Variants in LIMS1 observed in about 807,000 individuals in gnomAD.
The protein encoded by LIMS1 is LIM and senescent cell antigen-like-containing domain protein 1.
A neutral mutation model predicts 44.1 loss-of-function variants in LIMS1; 18 were observed. That is an observed-to-expected ratio of 0.41 (90% CI 0.28 to 0.61). The LOEUF (loss-of-function observed/expected upper bound fraction) is 0.61. Ranked by LOEUF, LIMS1 falls within the 20% of genes least tolerant of loss-of-function variation. The probability of loss-of-function intolerance (pLI) is 0.32; values close to 1 mark genes in which losing one functional copy is unlikely to be tolerated. For synonymous variants in LIMS1, 93 were observed against 149.1 expected (o/e 0.62, Z 2.74); for missense variants, 201 against 422.0 (o/e 0.48, Z 4.59).
At chr2:108,632,881 A>G (rs1457040317) in intron 1 of LIMS1, among the ~76,000 whole-genome samples, 2 of 152,214 alleles carry the variant, frequency 1.3e-5, no homozygotes, top group African/African-American at 4.8e-5. Flanking sequence ...GGCAATCTGT[A>G]CCTGCATAGC....
chr2:108,545,620 T>G (rs1367342465), intron 1 of LIMS1, among the ~76,000 whole-genome samples: 1 of 152,212 alleles, frequency 6.6e-6, no homozygotes, highest in Non-Finnish European at 1.5e-5. Flanking sequence ...TTGGGACCAC[T>G]TTACTCTCTT....
intron 2 of LIMS1, among the ~76,000 whole-genome samples, chr2:108,670,405 A>T (rs1692088568): frequency 6.6e-6 from 1 of 151,628 alleles, no homozygotes; most frequent in Non-Finnish European, 1.5e-5. Flanking sequence ...TATCGACCTG[A>T]AAAATGTGGG....
intron 1 of LIMS1, among the ~76,000 whole-genome samples, chr2:108,555,982 T>C (rs903194929): frequency 6.6e-6 from 1 of 152,196 alleles, no homozygotes; most frequent in African/African-American, 2.4e-5. Flanking sequence ...GTTTTTTTTT[T>C]CCTTTTTTGC....
At chr2:108,569,041 A>C (rs1239999271) in intron 1 of LIMS1, among the ~76,000 whole-genome samples, 1 of 152,010 alleles carries the variant, frequency 6.6e-6, no homozygotes, top group Admixed American at 6.6e-5. Context: ...ACAGGCACGC[A>C]CCACCATGCC....
chr2:108,672,196 T>A, intron 3 of LIMS1, 129 bp from the exon 4 acceptor site: 15 of 850,308 alleles, frequency 1.8e-5, no homozygotes, highest in Admixed American at 3.2e-5. Context: ...AAAGTTCCTC[T>A]ATTGAGAAAG....
At chr2:108,593,261 C>T (rs143366499) in intron 1 of LIMS1, among the ~76,000 whole-genome samples, 3 of 152,204 alleles carry the variant, frequency 2.0e-5, no homozygotes, top group African/African-American at 7.2e-5. Flanking sequence ...CATATCTAAA[C>T]CTTATCCAAG....
chr2:108,626,458 A>G (rs530896198), intron 1 of LIMS1, among the ~76,000 whole-genome samples: 1 of 152,256 alleles, frequency 6.6e-6, no homozygotes, highest in South Asian at 2.1e-4. Flanking sequence ...TTACTCCTAT[A>G]TGTTTGATTG....
At chr2:108,569,112 C>G (rs145485100) in intron 1 of LIMS1, among the ~76,000 whole-genome samples, 1 of 152,058 alleles carries the variant, frequency 6.6e-6, no homozygotes, top group Non-Finnish European at 1.5e-5. Context: ...AGGCTGGTCT[C>G]GAACTCTTGA....
intron 1 of LIMS1, chr2:108,657,755 T>G (rs1436665622): frequency 6.6e-6 from 1 of 152,440 alleles, no homozygotes; most frequent in Non-Finnish European, 1.5e-5. Context: ...TTGTGACATT[T>G]TAATTCTGCA....
At chr2:108,650,869 C>A (rs991688293) in intron 1 of LIMS1, among the ~76,000 whole-genome samples, 2 of 152,094 alleles carry the variant, frequency 1.3e-5, no homozygotes, top group African/African-American at 4.8e-5. Context: ...TTTATTCATT[C>A]ATTCATTCAT....
At chr2:108,599,326 A>C (rs1328746809) in intron 1 of LIMS1, among the ~76,000 whole-genome samples, 2 of 152,212 alleles carry the variant, frequency 1.3e-5, no homozygotes, top group South Asian at 4.1e-4. Context: ...TTCACTTGAC[A>C]TAATGATCTC....
chr2:108,584,373 A>G (rs771295870), intron 1 of LIMS1, among the ~76,000 whole-genome samples: 16 of 151,990 alleles, frequency 1.1e-4, no homozygotes, highest in Non-Finnish European at 2.2e-4. Context: ...TTCCCCCTAG[A>G]CTTTTCCTTG....
chr2:108,679,380 T>C (rs904324376), intron 8 of LIMS1, among the ~76,000 whole-genome samples: 2 of 151,952 alleles, frequency 1.3e-5, no homozygotes, highest in Non-Finnish European at 2.9e-5. Flanking sequence ...CTCGGGAGGC[T>C]GAGACAGGAG....
intron 1 of LIMS1, among the ~76,000 whole-genome samples, chr2:108,572,576 G>A (rs1170019806): frequency 6.6e-6 from 1 of 151,980 alleles, no homozygotes; most frequent in Admixed American, 6.6e-5. Context: ...AGTACAGACA[G>A]GGTTTCACTA....
chr2:108,613,395 T>C (rs546382592), intron 1 of LIMS1, among the ~76,000 whole-genome samples: 1 of 152,298 alleles, frequency 6.6e-6, no homozygotes, highest in Admixed American at 6.5e-5. Flanking sequence ...ACCAGGTCTG[T>C]TTGTTGCTAT....
intron 1 of LIMS1, among the ~76,000 whole-genome samples, chr2:108,628,386 A>G (rs1222611318): frequency 6.6e-6 from 1 of 152,220 alleles, no homozygotes; most frequent in African/African-American, 2.4e-5. Context: ...AATCAGGCCA[A>G]GAGTCATTTC....
chr2:108,663,800 G>A (rs563869612), intron 2 of LIMS1, among the ~76,000 whole-genome samples: 6 of 151,866 alleles, frequency 4.0e-5, no homozygotes, highest in African/African-American at 1.2e-4. Flanking sequence ...TGTTGCCCAG[G>A]ATGGAGTGCA....
chr2:108,617,289 A>G (rs908049689), intron 1 of LIMS1, among the ~76,000 whole-genome samples: 2 of 152,252 alleles, frequency 1.3e-5, no homozygotes, highest in African/African-American at 4.8e-5. Context: ...TAAAAGCTGG[A>G]CTATGACAAG....
chr2:108,559,338 GT>G (rs1234887160), intron 1 of LIMS1, among the ~76,000 whole-genome samples: 2 of 152,126 alleles, frequency 1.3e-5, no homozygotes, highest in African/African-American at 2.4e-5. Context: ...GTAAAAATGT[GT>G]TGTTCTAGAG....
Sources: allele counts gnomAD v4.1 joint callset (sites outside exome capture counted in the v4.1 genomes callset), GRCh38; gene constraint gnomAD v4.1.1; transcripts MANE v1.5; gene names NCBI Gene and HGNC (gene_info 2026-07-23, HGNC 2026-07-21).